The following APBB2 variants were observed in gnomAD, a reference collection of about 807,000 sequenced individuals.
APBB2 encodes Fe65-like 1.
Under a neutral mutation model 82.5 loss-of-function variants are expected in APBB2, and 38 were observed. That is an observed-to-expected ratio of 0.46 (90% CI 0.36 to 0.60). The LOEUF is 0.60. Among genes scored for constraint, APBB2 ranks in the 20% least tolerant of loss-of-function variants. The pLI is 0.00. For missense variants in APBB2, 772 were observed against 972.3 expected, an observed-to-expected ratio of 0.79 and a Z score of 2.74; for synonymous variants, 341 against 368.2, an observed-to-expected ratio of 0.93 and a Z score of 0.85.
chr4:40,928,421 CACACACAAT>C lies in APBB2; in HGVS notation c.1254+6026_1254+6034del, dbSNP rs1783213788. Among the ~76,000 whole-genome samples the C allele has an allele frequency of 8.3e-5, 6 of 72,182 alleles. No individual in the cohort carries two copies. The South Asian group carries it at 2.8e-3, about 34-fold the overall frequency. 47.4% of individuals were successfully genotyped at this position (72,182 alleles called of 152,430 possible). On this transcript the variant is annotated intron_variant, in intron 10 of 17. Coordinates refer to ENST00000508593, the MANE Select transcript of APBB2 (RefSeq NM_004307.2). ...ACACACACACACACACACACACACACACACACAATCAGCCAGGTGTGTTGACACATGCCT... is the reference window on the plus strand; with the variant it reads ...ACACACACACACACACACACACACACCAGCCAGGTGTGTTGACACATGCCT...
At chr4:40,829,844 C>T (rs550751572) in intron 13 of APBB2, among the ~76,000 whole-genome samples, 9 of 152,262 alleles carry the variant, frequency 5.9e-5, no homozygotes, top group Non-Finnish European at 1.0e-4. Flanking sequence ...CCCAGCTGGA[C>T]AGGGTGCTTC....
At chr4:41,102,564 T>G (rs1239935886) in intron 2 of APBB2, among the ~76,000 whole-genome samples, 1 of 152,228 alleles carries the variant, frequency 6.6e-6, no homozygotes, top group Non-Finnish European at 1.5e-5. Context: ...AGGCTGCACT[T>G]GGGCCAAAAC....
In APBB2 at chr4:40,834,099, G is replaced by A. The variant is rs1056927797; in HGVS notation, c.1530-3522C>T. On this transcript the variant is annotated intron_variant, in intron 12 of 17. Transcript: ENST00000508593. The stretch of plus-strand genomic sequence containing the variant: ...AACTCAGCAGCCTCAGGCTTTTTTG[G>A]GAGGAATTCTCACTTTTTTTTTTTT... Among the ~76,000 whole-genome samples the A allele has an allele frequency of 3.1e-5, 4 of 128,424 alleles. No individual in the cohort carries two copies. The Admixed American group carries it at 3.4e-4, about 11-fold the overall frequency. The allele number at this position is 128,424 out of a possible 152,430, so 84.3% of individuals were successfully genotyped here.
rs990313316 is a variant in APBB2, at chr4:40,944,800, A to G, written c.1044+65T>C. 6 of 1,512,410 alleles carry G rather than the reference A, an allele frequency of 4.0e-6. No homozygotes were observed. In the African/African-American group the frequency reaches 5.5e-5, roughly 14 times the overall value. 93.7% of individuals were successfully genotyped at this position (1,512,410 alleles called of 1,614,324 possible). ...ATGACCTGTTGGGGCAGAAGCAACCAGTGTAAAGAGAAACCACAAGTTACA... is the reference window on the plus strand; with the variant it reads ...ATGACCTGTTGGGGCAGAAGCAACCGGTGTAAAGAGAAACCACAAGTTACA... On this transcript the variant is annotated intron_variant, in intron 7 of 17. Coordinates refer to ENST00000508593, the MANE Select transcript of APBB2 (RefSeq NM_004307.2).
rs1054395703 is a variant in APBB2, at chr4:41,214,451, T to C, written c.-463A>G. 6.6e-6 allele frequency: 1 copy of C among 152,426 alleles called. No individual in the cohort carries two copies. The highest frequency in any genetic ancestry group is 6.5e-5 in the Admixed American group (1 of 15,288). 9.4% of individuals were successfully genotyped at this position (152,426 alleles called of 1,614,324 possible). A position where few individuals can be genotyped will look rare whatever the true frequency, so the allele number is the denominator to read the frequency against. ...CCTCGGCTCCGGCGCCCAGCGGCTC[T>C]GCTCCAGTCTCGCCCTTCCCGGAGC... On this transcript the variant is annotated 5_prime_UTR_variant, in exon 1 of 18. Transcript: ENST00000508593.
At chr4:41,091,620 C>T (rs886455741) in intron 3 of APBB2, among the ~76,000 whole-genome samples, 1 of 152,256 alleles carries the variant, frequency 6.6e-6, no homozygotes, top group South Asian at 2.1e-4. Context: ...ATCACCAACA[C>T]CTTGCAGAGT....
At chr4:41,028,160 A>C (rs1446513800) in intron 5 of APBB2, among the ~76,000 whole-genome samples, 3 of 152,224 alleles carry the variant, frequency 2.0e-5, no homozygotes, top group Non-Finnish European at 4.4e-5. Flanking sequence ...TTTTTTGTGC[A>C]CTACTCCATG....
chr4:40,872,786 TAAAA>T (rs1184469936), intron 12 of APBB2, among the ~76,000 whole-genome samples: 1 of 143,726 alleles, frequency 7.0e-6, no homozygotes, highest in Non-Finnish European at 1.5e-5. Flanking sequence ...TGATAAAGGT[TAAAA>T]AAAAAAAAGA....
chr4:41,007,978 T>C (rs1807254937), intron 6 of APBB2, among the ~76,000 whole-genome samples: 1 of 152,254 alleles, frequency 6.6e-6, no homozygotes, highest in Admixed American at 6.5e-5. Context: ...AAGGACTTTA[T>C]ACAGCTCGGA....
intron 10 of APBB2, among the ~76,000 whole-genome samples, chr4:40,910,959 A>G (rs796907332): frequency 3.3e-5 from 5 of 152,380 alleles, no homozygotes; most frequent in African/African-American, 1.2e-4. Context: ...GAATAATAGT[A>G]AAATTGTACA....
chr4:40,971,937 C>T (rs1324633222), intron 6 of APBB2, among the ~76,000 whole-genome samples: 3 of 152,104 alleles, frequency 2.0e-5, no homozygotes, highest in Non-Finnish European at 4.4e-5. Context: ...TAGCGCGTAT[C>T]CTTACGGGAC....
intron 12 of APBB2, among the ~76,000 whole-genome samples, chr4:40,875,679 C>A (rs573498467): frequency 6.6e-6 from 1 of 152,298 alleles, no homozygotes; most frequent in East Asian, 1.9e-4. Flanking sequence ...AAATGAACAG[C>A]CCAGCTCTAG....
At chr4:41,090,905 G>T (rs768703157) in intron 3 of APBB2, among the ~76,000 whole-genome samples, 6 of 152,186 alleles carry the variant, frequency 3.9e-5, no homozygotes, top group Non-Finnish European at 5.9e-5. Flanking sequence ...GTCAAAGGAA[G>T]ACTGCAGTCT....
chr4:40,838,077 C>T (rs1754566516), intron 12 of APBB2, among the ~76,000 whole-genome samples: 1 of 151,628 alleles, frequency 6.6e-6, no homozygotes. Flanking sequence ...ATTCTAATCA[C>T]TCAATAGGGG....
intron 4 of APBB2, among the ~76,000 whole-genome samples, chr4:41,041,864 T>C (rs4861080): frequency 0.11 from 16,099 of 152,278 alleles, 974 homozygotes; most frequent in Middle Eastern, 0.17. Flanking sequence ...AAAAGAAATA[T>C]TTTCAAGATA....
At chr4:41,183,864 T>G (rs1387434852) in intron 1 of APBB2, among the ~76,000 whole-genome samples, 2 of 152,098 alleles carry the variant, frequency 1.3e-5, no homozygotes, top group Non-Finnish European at 2.9e-5. Context: ...TTCATGATGA[T>G]TCAAGCGCAC....
At position 40,813,764 on chromosome 4, in the gene APBB2, A is replaced by G. The variant is rs1417613481; in HGVS notation, c.*2328T>C. 2 of 152,226 alleles carry G rather than the reference A, an allele frequency of 1.3e-5. No homozygotes were observed. Among genetic ancestry groups the G allele is most frequent in the Non-Finnish European group, 2.9e-5 (2 of 68,044 alleles). 9.4% of individuals were successfully genotyped at this position (152,226 alleles called of 1,614,324 possible). A position where few individuals can be genotyped will look rare whatever the true frequency, so the allele number is the denominator to read the frequency against. On this transcript the variant is annotated 3_prime_UTR_variant, in exon 18 of 18. Transcript: ENST00000508593. ...GAGTTCTGGTAGAGATTTCCAATATAAAAGTGGGTAATTTGTTTAGAATTT... is the reference window on the plus strand; with the variant it reads ...GAGTTCTGGTAGAGATTTCCAATATGAAAGTGGGTAATTTGTTTAGAATTT...
At chr4:40,955,248 A>G (rs1045326469) in intron 6 of APBB2, among the ~76,000 whole-genome samples, 1 of 152,170 alleles carries the variant, frequency 6.6e-6, no homozygotes, top group South Asian at 2.1e-4. Context: ...AGAGAACAGC[A>G]TTTCTGAAAG....
intron 4 of APBB2, among the ~76,000 whole-genome samples, chr4:41,061,889 T>C (rs1028378137): frequency 1.3e-5 from 2 of 152,256 alleles, no homozygotes; most frequent in African/African-American, 4.8e-5. Context: ...CACAGCAGTA[T>C]GCACTGCTGA....
Sources: allele counts gnomAD v4.1 joint callset (sites outside exome capture counted in the v4.1 genomes callset), GRCh38; gene constraint gnomAD v4.1.1; transcripts MANE v1.5; gene names NCBI Gene and HGNC (gene_info 2026-07-23, HGNC 2026-07-21).